PLXNA4: variants seen among roughly 807,000 people sequenced by gnomAD.
The protein encoded by PLXNA4 is plexin A4, also known as plexin-A4.
Under a neutral mutation model 191.8 loss-of-function variants are expected in PLXNA4, and 44 were observed. The ratio of observed to expected loss-of-function variants is 0.23; its 90% confidence interval spans 0.18 to 0.29. The LOEUF is 0.29. Ranked by LOEUF, PLXNA4 falls within the 10% of genes least tolerant of loss-of-function variation. The probability of loss-of-function intolerance (pLI) is 1.00; values close to 1 mark genes in which losing one functional copy is unlikely to be tolerated. For synonymous variants in PLXNA4, 1,082 were observed against 1,009.5 expected (o/e 1.07, Z -1.36); for missense variants, 1,800 against 2,488.8 (o/e 0.72, Z 5.89).
intron 1 of PLXNA4, among the ~76,000 whole-genome samples, chr7:132,556,262 C>A (rs965940415): frequency 6.6e-6 from 1 of 152,234 alleles, no homozygotes; most frequent in African/African-American, 2.4e-5. Context: ...CTGCTGCATG[C>A]CCCTCGTGCC....
intron 4 of PLXNA4, among the ~76,000 whole-genome samples, chr7:132,268,320 G>C (rs1178119174): frequency 1.3e-5 from 2 of 152,216 alleles, no homozygotes; most frequent in African/African-American, 4.8e-5. Flanking sequence ...TTGCTTTAAA[G>C]TATCAGACAG....
intron 2 of PLXNA4, among the ~76,000 whole-genome samples, chr7:132,622,301 G>A (rs1007353675): frequency 5.3e-5 from 8 of 152,128 alleles, no homozygotes; most frequent in Admixed American, 5.2e-4. Context: ...AGAGCTATTC[G>A]CCAATCCTGA....
chr7:132,217,469 A>C (rs1797999627), intron 9 of PLXNA4, among the ~76,000 whole-genome samples: 1 of 152,166 alleles, frequency 6.6e-6, no homozygotes, highest in African/African-American at 2.4e-5. Flanking sequence ...GATTGGGGAA[A>C]ACAGAGCTCT....
chr7:132,161,623 G>C (rs1471534231), intron 24 of PLXNA4, among the ~76,000 whole-genome samples: 39 of 152,262 alleles, frequency 2.6e-4, no homozygotes, highest in African/African-American at 9.1e-4. Context: ...TTCCCCGGTG[G>C]GCATCTAGCG....
chr7:132,339,894 C>T (rs920463433), intron 3 of PLXNA4, among the ~76,000 whole-genome samples: 1 of 152,066 alleles, frequency 6.6e-6, no homozygotes, highest in African/African-American at 2.4e-5. Flanking sequence ...GTAAAAGGAC[C>T]TAGCACAGAA....
Position 132,181,403 on chromosome 7 carries a change from G to C in PLXNA4, c.3470C>G (p.Pro1157Arg). 6.2e-7 allele frequency: 1 copy of C among 1,613,658 alleles called. No homozygotes were observed. Among genetic ancestry groups the C allele is most frequent in the Non-Finnish European group, 8.5e-7 (1 of 1,179,846 alleles). ...FGPSGILELKPGTPIILKGKN... is the reference protein window; with the variant it reads ...FGPSGILELKRGTPIILKGKN... ...CACCTTTAGGATGATGGGCGTGCCA[G>C]GCTTGAGCTCCAGGATTCCTGAGGG... The change falls in exon 18 of 32, where the codon CCT becomes CGT. Residue 1157 changes from proline (P) to arginine (R), a missense_variant. Around this residue, in one of 6 missense-constraint regions of PLXNA4, gnomAD observed 1,397 missense variants for 1,880.4 expected, o/e 0.74. Coordinates refer to ENST00000321063, the MANE Select transcript of PLXNA4 (RefSeq NM_020911.2).
At position 132,188,763 on chromosome 7, in the gene PLXNA4, G is replaced by A. The variant is rs547173522; in HGVS notation, c.2857-1156C>T. The stretch of plus-strand genomic sequence containing the variant: ...CTGTGGAAAGAGCCCTCCTTTCTCA[G>A]CTCTGCCTGGATCTCGCTGTGTGAC... On this transcript the variant is annotated intron_variant, in intron 14 of 31. Coordinates refer to ENST00000321063, the MANE Select transcript of PLXNA4 (RefSeq NM_020911.2). Among the ~76,000 whole-genome samples, 3 of 152,052 alleles carry A rather than the reference G, an allele frequency of 2.0e-5. No individual in the cohort carries two copies. In the South Asian group the frequency reaches 6.3e-4, roughly 32 times the overall value.
At chr7:132,499,662 C>A (rs1393387013) in intron 2 of PLXNA4, among the ~76,000 whole-genome samples, 1 of 152,164 alleles carries the variant, frequency 6.6e-6, no homozygotes, top group Non-Finnish European at 1.5e-5. Flanking sequence ...TGCTGGGAAG[C>A]AGTGGCCCTG....
At chr7:132,588,582 G>T (rs1458969865) in intron 2 of PLXNA4, among the ~76,000 whole-genome samples, 1 of 145,628 alleles carries the variant, frequency 6.9e-6, no homozygotes, top group Non-Finnish European at 1.5e-5. Context: ...AATTCTTCAT[G>T]CATATTCAGA....
intron 30 of PLXNA4, among the ~76,000 whole-genome samples, chr7:132,134,916 G>A (rs781583616): frequency 1.1e-4 from 17 of 152,048 alleles, no homozygotes; most frequent in Middle Eastern, 3.4e-3. Flanking sequence ...CCTGTGACCC[G>A]CCCCAAAACA....
intron 1 of PLXNA4, among the ~76,000 whole-genome samples, chr7:132,524,607 A>G (rs1799324876): frequency 6.6e-6 from 1 of 152,020 alleles, no homozygotes; most frequent in Admixed American, 6.6e-5. Flanking sequence ...ATGGAGTCTC[A>G]CTCTGTCACC....
At chr7:132,203,637 C>T (rs1342546395) in intron 10 of PLXNA4, among the ~76,000 whole-genome samples, 3 of 152,194 alleles carry the variant, frequency 2.0e-5, no homozygotes, top group Non-Finnish European at 2.9e-5. Context: ...GAAGATAACA[C>T]AGGGGTGGGC....
At chr7:132,607,820 CCAT>C (rs1563193227) in intron 2 of PLXNA4, among the ~76,000 whole-genome samples, 2 of 151,032 alleles carry the variant, frequency 1.3e-5, no homozygotes, top group African/African-American at 2.4e-5. Flanking sequence ...ACCATCACTG[CCAT>C]CATCATCATC....
chr7:132,213,001 C>A (rs939398764), intron 9 of PLXNA4, among the ~76,000 whole-genome samples: 3 of 152,204 alleles, frequency 2.0e-5, no homozygotes, highest in Non-Finnish European at 4.4e-5. Context: ...GTAGAAGCAA[C>A]CCAGGTGTTC....
intron 3 of PLXNA4, among the ~76,000 whole-genome samples, chr7:132,344,253 C>T (rs1803151818): frequency 6.6e-6 from 1 of 152,142 alleles, no homozygotes; most frequent in Non-Finnish European, 1.5e-5. Context: ...TCCCTTAGCC[C>T]TTGGGGTGGC....
In PLXNA4 at chr7:132,164,279, C is replaced by A. The variant is rs1448964311; in HGVS notation, c.4363G>T (p.Gly1455Trp). The A allele has an allele frequency of 1.9e-6, 3 of 1,614,040 alleles. No individual in the cohort carries two copies. ...LLYKFLKECA[G>W]EPLFSLFCAI... Reference sequence around the variant, plus strand: ...CAGAACAGGGAGAAGAGGGGCTCCCCAGCACACTCCTGGAGGTGAGAAGAA... The same window carrying A: ...CAGAACAGGGAGAAGAGGGGCTCCCAAGCACACTCCTGGAGGTGAGAAGAA... Residue 1455 changes from glycine (G) to tryptophan (W), a missense_variant, in exon 24 of 32, where the codon GGG becomes TGG. Physicochemically the swap from Gly to Trp is radical, Grantham distance 184. Transcript: ENST00000321063.
chr7:132,133,827 G>A lies in PLXNA4; in HGVS notation c.5439-628C>T, dbSNP rs113515218. Among the ~76,000 whole-genome samples, 601 of 152,284 alleles carry A rather than the reference G, an allele frequency of 3.9e-3. 4 individuals carry two copies. Among genetic ancestry groups the A allele is most frequent in the African/African-American group, 0.014 (576 of 41,556 alleles). Reference sequence around the variant, plus strand: ...AACTCCCCCACCAGAGGGGGGTTGCGCAGTTTCTTAATGAGGAACTGAAAG... The same window carrying A: ...AACTCCCCCACCAGAGGGGGGTTGCACAGTTTCTTAATGAGGAACTGAAAG... On this transcript the variant is annotated intron_variant, in intron 30 of 31. Coordinates refer to ENST00000321063, the MANE Select transcript of PLXNA4 (RefSeq NM_020911.2).
At position 132,165,167 on chromosome 7, in the gene PLXNA4, A is replaced by G. The variant is rs758854975; in HGVS notation, c.4320T>C (p.Asn1440=). 9 of 1,613,278 alleles carry G rather than the reference A, an allele frequency of 5.6e-6. No individual in the cohort carries two copies. Among genetic ancestry groups the G allele is most frequent in the Admixed American group, 3.3e-5 (2 of 59,998 alleles). Residue 1440 remains asparagine, a synonymous_variant, in exon 23 of 32, where the codon AAT becomes AAC. Transcript: ENST00000321063. ...ACTTGTAGAGGAGGAAAGTAAACCA[A>G]TTGGTCAGCATCTTCTCAGCCACTG... ...TESVAEKMLT[N]WFTFLLYKFL...
intron 4 of PLXNA4, among the ~76,000 whole-genome samples, chr7:132,285,949 A>T (rs1434170171): frequency 7.2e-6 from 1 of 138,618 alleles, no homozygotes; most frequent in East Asian, 2.5e-4. Flanking sequence ...ACAAATGAGG[A>T]TCAGTGGTAG....
Sources: allele counts gnomAD v4.1 joint callset (sites outside exome capture counted in the v4.1 genomes callset), GRCh38; gene constraint gnomAD v4.1.1; regional missense constraint gnomAD v4.1.1; transcripts MANE v1.5; gene names NCBI Gene and HGNC (gene_info 2026-07-23, HGNC 2026-07-21).